NUP42: variants seen among roughly 807,000 people sequenced by gnomAD.
NUP42 encodes the protein nucleoporin 42.
In NUP42, 47 loss-of-function variants were observed where a neutral mutation model predicts 35.9. That is an observed-to-expected ratio of 1.31 (90% CI 1.04 to 1.67). The LOEUF (loss-of-function observed/expected upper bound fraction) is 1.67. Among genes scored for constraint, NUP42 ranks in the 40% most tolerant of loss-of-function variants. The pLI is 0.00. For missense variants in NUP42, 514 were observed against 492.2 expected, an observed-to-expected ratio of 1.04 and a Z score of -0.42; for synonymous variants, 173 against 173.3, an observed-to-expected ratio of 1.00 and a Z score of 0.01.
chr7:23,194,630 G>A, intron 3 of NUP42: 1 of 158,884 alleles, frequency 6.3e-6, no homozygotes, highest in Non-Finnish European at 1.4e-5. Context: ...CAAAGTGCTG[G>A]GACTACAGGC....
At chr7:23,185,680 A>ATG (rs1351188535) in intron 2 of NUP42, among the ~76,000 whole-genome samples, 3 of 152,226 alleles carry the variant, frequency 2.0e-5, no homozygotes, top group Non-Finnish European at 4.4e-5. Context: ...TCCTTTACAA[A>ATG]GTATGATGTA....
chr7:23,184,935 G>A lies in NUP42; in HGVS notation c.122-135G>A, dbSNP rs537069807. On this transcript the variant is annotated intron_variant, in intron 1 of 6. Coordinates refer to ENST00000258742, the MANE Select transcript of NUP42 (RefSeq NM_007342.3). ...GTGGGAGGATCGATTGAGCTTAGGAGGTTGAGGTTACAGTGAGCCAAGATC... is the reference window on the plus strand; with the variant it reads ...GTGGGAGGATCGATTGAGCTTAGGAAGTTGAGGTTACAGTGAGCCAAGATC... 7.3e-6 allele frequency: 5 copies of A among 681,718 alleles called. No homozygotes were observed. The East Asian group carries it at 1.4e-4, about 19-fold the overall frequency. The allele number at this position is 681,718 out of a possible 1,614,324, so 42.2% of individuals were successfully genotyped here.
intron 3 of NUP42, among the ~76,000 whole-genome samples, chr7:23,189,662 C>T (rs1432015106): frequency 2.7e-5 from 4 of 150,768 alleles, no homozygotes; most frequent in African/African-American, 9.8e-5. Context: ...CCTGTAATCC[C>T]AGCACTTTGG....
chr7:23,193,920 C>T (rs1227731121), intron 3 of NUP42, among the ~76,000 whole-genome samples: 1 of 152,270 alleles, frequency 6.6e-6, no homozygotes, highest in Non-Finnish European at 1.5e-5. Flanking sequence ...CAGCGCAGCG[C>T]CGGTGGGCCG....
At position 23,200,787 on chromosome 7, in the gene NUP42, G is replaced by T. The variant is rs1237846571; in HGVS notation, c.*42G>T. 16 of 1,353,702 alleles carry T rather than the reference G, an allele frequency of 1.2e-5. No homozygotes were observed. Among genetic ancestry groups the T allele is most frequent in the Non-Finnish European group, 1.6e-5 (16 of 994,944 alleles). The allele number at this position is 1,353,702 out of a possible 1,614,324, so 83.9% of individuals were successfully genotyped here. A position where few individuals can be genotyped will look rare whatever the true frequency, so the allele number is the denominator to read the frequency against. Reference sequence around the variant, plus strand: ...ACAAAAAAGAATGATGTTTAAAATTGCTTTGAGTGATTCATACAGAGATGT... The same window carrying T: ...ACAAAAAAGAATGATGTTTAAAATTTCTTTGAGTGATTCATACAGAGATGT... On this transcript the variant is annotated 3_prime_UTR_variant, in exon 7 of 7. Coordinates refer to ENST00000258742, the MANE Select transcript of NUP42 (RefSeq NM_007342.3).
intron 3 of NUP42, among the ~76,000 whole-genome samples, chr7:23,192,561 AAAG>A (rs1382506007): frequency 7.4e-5 from 11 of 148,318 alleles, no homozygotes; most frequent in African/African-American, 2.6e-4. Flanking sequence ...AAAAAAAAAA[AAAG>A]AAAAAGAAAA....
chr7:23,182,626 G>C, intron 1 of NUP42: 11 of 544,146 alleles, frequency 2.0e-5, no homozygotes, highest in Non-Finnish European at 2.6e-5. Context: ...CCGGCCGGGC[G>C]GTGGCTCACG....
chr7:23,185,367 TTC>T (rs1785556385), intron 2 of NUP42, 69 bp downstream of exon 2: 14 of 1,046,534 alleles, frequency 1.3e-5, no homozygotes, highest in Non-Finnish European at 1.9e-5. Context: ...TCTTTGTTGT[TTC>T]TCTTTTTTTG....
intron 3 of NUP42, among the ~76,000 whole-genome samples, chr7:23,191,272 T>C (rs1033575902): frequency 1.3e-5 from 2 of 152,012 alleles, no homozygotes; most frequent in African/African-American, 4.8e-5. Context: ...GTGATCTGAT[T>C]AGAAAAAGCT....
chr7:23,186,983 C>G, intron 2 of NUP42, 69 bp from the exon 3 acceptor site: 1 of 1,034,346 alleles, frequency 9.7e-7, no homozygotes. Flanking sequence ...TGTGGAAAAC[C>G]ATTAACAATA....
Position 23,199,520 on chromosome 7 carries a change from A to G in NUP42, c.672A>G (p.Gln224=), listed in dbSNP as rs200616527. The change falls in exon 6 of 7, where the codon CAA becomes CAG. Residue 224 remains glutamine, a synonymous_variant. Transcript: ENST00000258742. The stretch of plus-strand genomic sequence containing the variant: ...CTGCATTTGGATTTGGCAGCAGTCA[A>G]GCAGCAACATTTATGTCGCCAGGTA... ...AAPAFGFGSS[Q]AATFMSPGFP... 19 of 1,614,082 alleles carry G rather than the reference A, an allele frequency of 1.2e-5. No homozygotes were observed. The highest frequency in any genetic ancestry group is 1.4e-5 in the Non-Finnish European group (17 of 1,179,936).
intron 4 of NUP42, 49 bp downstream of exon 4, chr7:23,195,964 T>A: frequency 8.6e-7 from 1 of 1,160,482 alleles, no homozygotes; most frequent in Non-Finnish European, 1.3e-6. Flanking sequence ...GAGCTCTTAA[T>A]TACTGCTTTC....
chr7:23,198,331 G>A (rs1786089392), intron 5 of NUP42: 1 of 144,610 alleles, frequency 6.9e-6, no homozygotes, highest in African/African-American at 2.6e-5. Flanking sequence ...TCCTGCCTCA[G>A]TCTCCCGAAT....
At chr7:23,182,323 T>C (rs1785436068) in intron 1 of NUP42, 117 bp downstream of exon 1, 2 of 1,491,634 alleles carry the variant, frequency 1.3e-6, no homozygotes, top group Non-Finnish European at 1.8e-6. Flanking sequence ...GTCGCGGCCT[T>C]GCCGGCCCTA....
chr7:23,199,737 C>T (rs563919664), intron 6 of NUP42, among the ~76,000 whole-genome samples, 195 bp downstream of exon 6: 1 of 152,326 alleles, frequency 6.6e-6, no homozygotes, highest in Admixed American at 6.5e-5. Flanking sequence ...TTGAAAGACA[C>T]TTAAGCTTTA....
intron 2 of NUP42, among the ~76,000 whole-genome samples, chr7:23,185,728 A>G (rs544152042): frequency 5.3e-5 from 8 of 152,166 alleles, no homozygotes; most frequent in African/African-American, 1.7e-4. Flanking sequence ...TCATTTTACC[A>G]TCTCATTTAT....
Position 23,200,621 on chromosome 7 carries a change from A to G in NUP42, c.1148A>G (p.Asp383Gly). ...LSASSSIIAT[D>G]NVLFTPRDKL... is the part of the protein sequence containing the mutation. ...GCCTCAAGCAGCATCATTGCAACAGATAATGTGTTATTCACACCCAGAGAT... is the reference window on the plus strand; with the variant it reads ...GCCTCAAGCAGCATCATTGCAACAGGTAATGTGTTATTCACACCCAGAGAT... The change falls in exon 7 of 7, where the codon GAT becomes GGT. Residue 383 changes from aspartate to glycine, a missense_variant. Physicochemically the swap from Asp to Gly is moderately conservative, Grantham distance 94. Transcript: ENST00000258742. 1 of 1,614,162 alleles carries G rather than the reference A, an allele frequency of 6.2e-7. No homozygotes were observed.
chr7:23,189,008 G>A (rs1785697672), intron 3 of NUP42, among the ~76,000 whole-genome samples: 1 of 152,102 alleles, frequency 6.6e-6, no homozygotes, highest in African/African-American at 2.4e-5. Flanking sequence ...CCCTGAGTAC[G>A]CACCTTTTTA....
At chr7:23,193,842 C>A (rs1022847738) in intron 3 of NUP42, among the ~76,000 whole-genome samples, 1 of 152,244 alleles carries the variant, frequency 6.6e-6, no homozygotes, top group Non-Finnish European at 1.5e-5. Context: ...GGGGGAGGCT[C>A]AGGCATGGCG....
Sources: gnomAD v4.1 joint callset for allele counts (sites outside exome capture counted in the v4.1 genomes callset) on GRCh38, gnomAD v4.1.1 for gene constraint, MANE v1.5 for transcripts, NCBI Gene and HGNC (gene_info 2026-07-23, HGNC 2026-07-21) for gene names.